Variants in CNTNAP5 observed in about 807,000 individuals in gnomAD.
CNTNAP5 encodes the protein contactin associated protein family member 5.
Under a neutral mutation model 150.2 loss-of-function variants are expected in CNTNAP5, and 72 were observed. That is an observed-to-expected ratio of 0.48 (90% confidence interval 0.40 to 0.58). The LOEUF (loss-of-function observed/expected upper bound fraction) is 0.58. CNTNAP5 is among the 20% of genes least tolerant of loss of function. The probability of loss-of-function intolerance (pLI) is 0.00; values close to 1 mark genes in which losing one functional copy is unlikely to be tolerated. For missense variants in CNTNAP5, 1,636 were observed against 1,626.2 expected (o/e 1.01, Z -0.10); for synonymous variants, 672 against 619.8 (o/e 1.08, Z -1.25).
chr2:124,548,619 C>T (rs755047596), intron 10 of CNTNAP5, among the ~76,000 whole-genome samples: 2 of 151,114 alleles, frequency 1.3e-5, no homozygotes, highest in African/African-American at 2.4e-5. Flanking sequence ...TCTCTCTCCA[C>T]GAACTGGAAA....
intron 1 of CNTNAP5, among the ~76,000 whole-genome samples, chr2:124,209,146 A>C (rs1370027697): frequency 6.6e-6 from 1 of 152,038 alleles, no homozygotes; most frequent in East Asian, 1.9e-4. Flanking sequence ...TAGCTTGCTC[A>C]CTCATCAGAC....
At chr2:124,260,353 C>A (rs536278772) in intron 3 of CNTNAP5, among the ~76,000 whole-genome samples, 1 of 152,200 alleles carries the variant, frequency 6.6e-6, no homozygotes, top group Non-Finnish European at 1.5e-5. Flanking sequence ...TTACACCTTA[C>A]ACAAAAATTA....
chr2:124,171,369 C>T (rs942558270), intron 1 of CNTNAP5, among the ~76,000 whole-genome samples: 78 of 152,306 alleles, frequency 5.1e-4, no homozygotes, highest in African/African-American at 1.7e-3. Context: ...TTTTTGATCA[C>T]TGGGGTGCCA....
At chr2:124,855,318 C>CA (rs898382400) in intron 19 of CNTNAP5, among the ~76,000 whole-genome samples, 1 of 151,974 alleles carries the variant, frequency 6.6e-6, no homozygotes, top group African/African-American at 2.4e-5. Flanking sequence ...GCTGAGATTA[C>CA]AGGCATGTGC....
chr2:124,171,397 C>G (rs1021378200), intron 1 of CNTNAP5, among the ~76,000 whole-genome samples: 26 of 152,188 alleles, frequency 1.7e-4, no homozygotes, highest in Admixed American at 6.5e-5. Flanking sequence ...AGTATCACCA[C>G]AAACCCTCAG....
rs372423445 is a variant in CNTNAP5, at chr2:124,419,090, C to T, written c.529+1500C>T. ...CGGAGCTTGCAGTGAGCCGAGATTG[C>T]GCCACTGCAGTCCGCCGTCCGGCCT... On this transcript the variant is annotated intron_variant, in intron 4 of 23. Coordinates refer to ENST00000682447, the MANE Select transcript of CNTNAP5 (RefSeq NM_001367498.1). Among the ~76,000 whole-genome samples, 6 of 131,916 alleles carry T rather than the reference C, an allele frequency of 4.5e-5. No homozygotes were observed. In the East Asian group the frequency reaches 7.2e-4, roughly 16 times the overall value. 86.5% of individuals were successfully genotyped at this position (131,916 alleles called of 152,430 possible).
intron 1 of CNTNAP5, among the ~76,000 whole-genome samples, chr2:124,039,173 G>T (rs1433912553): frequency 6.6e-6 from 1 of 152,150 alleles, no homozygotes. Flanking sequence ...TTAGTTTGTG[G>T]TTAATAGCTG....
intron 3 of CNTNAP5, among the ~76,000 whole-genome samples, chr2:124,246,945 T>C (rs1529290): frequency 0.3 from 46,274 of 152,112 alleles, 7,184 homozygotes; most frequent in South Asian, 0.49. Context: ...GCTTTTGGCC[T>C]GTGCACTCTG....
chr2:124,669,027 G>A (rs1203199370), intron 13 of CNTNAP5, among the ~76,000 whole-genome samples: 1 of 152,148 alleles, frequency 6.6e-6, no homozygotes, highest in African/African-American at 2.4e-5. Flanking sequence ...TACCAGCTCT[G>A]CCTCCTCTGT....
intron 12 of CNTNAP5, among the ~76,000 whole-genome samples, chr2:124,617,200 A>G (rs982730617): frequency 2.0e-5 from 3 of 152,150 alleles, no homozygotes; most frequent in African/African-American, 7.2e-5. Flanking sequence ...GGGTTGCCAC[A>G]AATCTTCACT....
intron 11 of CNTNAP5, 113 bp downstream of exon 11, chr2:124,563,436 C>A: frequency 6.0e-6 from 4 of 666,018 alleles, no homozygotes; most frequent in Non-Finnish European, 1.1e-5. Flanking sequence ...ACTCATTCAG[C>A]ATGTGTGTTT....
chr2:124,895,690 G>T (rs1678289773), intron 21 of CNTNAP5, among the ~76,000 whole-genome samples: 1 of 151,512 alleles, frequency 6.6e-6, no homozygotes, highest in African/African-American at 2.4e-5. Flanking sequence ...AGAAACTGAT[G>T]ATCTAGAGTG....
At chr2:124,655,955 G>GAAAGAAAGAAAGAAAGAAAGAAAT (rs1296533391) in intron 13 of CNTNAP5, among the ~76,000 whole-genome samples, 7 of 117,742 alleles carry the variant, frequency 5.9e-5, no homozygotes, top group Non-Finnish European at 1.1e-4. Flanking sequence ...GAGAAAGAAA[G>GAAAGAAAGAAAGAAAGAAAGAAAT]AAAGAAAGAA....
At chr2:124,597,209 C>T (rs1050204173) in intron 11 of CNTNAP5, among the ~76,000 whole-genome samples, 27 of 147,922 alleles carry the variant, frequency 1.8e-4, no homozygotes, top group African/African-American at 4.7e-4. Context: ...TGATTTTGCT[C>T]GTTAGTTGAT....
chr2:124,634,959 AT>A (rs1677942544), intron 12 of CNTNAP5, among the ~76,000 whole-genome samples: 1 of 152,126 alleles, frequency 6.6e-6, no homozygotes, highest in Non-Finnish European at 1.5e-5. Flanking sequence ...AACTGTTGCA[AT>A]ATCTGCTGAT....
At chr2:124,582,684 C>T (rs1696441844) in intron 11 of CNTNAP5, among the ~76,000 whole-genome samples, 1 of 151,924 alleles carries the variant, frequency 6.6e-6, no homozygotes, top group African/African-American at 2.4e-5. Context: ...TTATATAATC[C>T]ATGAAAGTTT....
At chr2:124,276,116 G>C (rs1687879023) in intron 3 of CNTNAP5, among the ~76,000 whole-genome samples, 1 of 151,964 alleles carries the variant, frequency 6.6e-6, no homozygotes, top group African/African-American at 2.4e-5. Flanking sequence ...TGTACTCCTG[G>C]GAAATATTTT....
At chr2:124,187,333 C>A (rs1685358739) in intron 1 of CNTNAP5, among the ~76,000 whole-genome samples, 1 of 152,144 alleles carries the variant, frequency 6.6e-6, no homozygotes, top group Admixed American at 6.5e-5. Flanking sequence ...TATTTAAGAA[C>A]TCTCAACTAA....
At chr2:124,602,338 C>CAAAAAAAAA (rs35316532) in intron 11 of CNTNAP5, among the ~76,000 whole-genome samples, 4 of 89,796 alleles carry the variant, frequency 4.5e-5, no homozygotes, top group Admixed American at 1.4e-4. Flanking sequence ...AAGACTTCAC[C>CAAAAAAAAA]AAAAAAAAAA....
Sources: gnomAD v4.1 joint callset for allele counts (sites outside exome capture counted in the v4.1 genomes callset) on GRCh38, gnomAD v4.1.1 for gene constraint, MANE v1.5 for transcripts, NCBI Gene and HGNC (gene_info 2026-07-23, HGNC 2026-07-21) for gene names.